Variants in FRMPD1 observed in about 807,000 individuals in gnomAD.
FRMPD1 encodes FERM and PDZ domain containing 1.
In FRMPD1, 76 loss-of-function variants were observed where a neutral mutation model predicts 117.8. The observed-to-expected ratio is 0.65, with a 90% confidence interval of 0.54 to 0.78. FRMPD1 has a LOEUF of 0.78. FRMPD1 is among the 30% of genes least tolerant of loss of function. The pLI is 0.00. For synonymous variants in FRMPD1, 783 were observed against 770.4 expected, an observed-to-expected ratio of 1.02 and a Z score of -0.27; for missense variants, 1,786 against 1,964.5, an observed-to-expected ratio of 0.91 and a Z score of 1.72.
chr9:37,713,080 T>C (rs1315517037), intron 5 of FRMPD1, among the ~76,000 whole-genome samples: 2 of 152,124 alleles, frequency 1.3e-5, no homozygotes, highest in East Asian at 3.9e-4. Flanking sequence ...TTAATATATA[T>C]ACTTAATACA....
In FRMPD1 at chr9:37,746,444, C is replaced by G. The variant is rs769384537; in HGVS notation, c.4412C>G (p.Ser1471Trp). 2 of 1,613,624 alleles carry G rather than the reference C, an allele frequency of 1.2e-6. No individual in the cohort carries two copies. The highest frequency in any genetic ancestry group is 1.7e-6 in the Non-Finnish European group (2 of 1,180,012). Residue 1471 changes from serine to tryptophan, a missense_variant, in exon 16 of 16, where the codon TCG (serine) becomes TGG (tryptophan). By Grantham distance (177) the Ser-to-Trp change is radical. Coordinates refer to ENST00000377765, the MANE Select transcript of FRMPD1 (RefSeq NM_014907.3). ...RLCMGSQKLL[S>W]SCRHVIRMDQ... ...TGCATGGGCTCCCAGAAGCTCCTGT[C>G]GAGCTGTCGGCATGTGATCAGAATG...
upstream of FRMPD1, among the ~76,000 whole-genome samples, chr9:37,648,241 C>G (rs937621341): frequency 2.0e-5 from 3 of 151,942 alleles, no homozygotes; most frequent in African/African-American, 7.3e-5. Flanking sequence ...GGGATTTGAA[C>G]CTAGGCAGTT....
chr9:37,678,251 CTTTTTTTTTTTTTTT>C (rs34040451), intron 1 of FRMPD1, among the ~76,000 whole-genome samples: 5 of 79,822 alleles, frequency 6.3e-5, no homozygotes, highest in Non-Finnish European at 6.9e-5. Flanking sequence ...GTACTTACCA[CTTTTTTTTTTTTTTT>C]TTTTTTTTTT....
At chr9:37,636,752 C>T in the FRMPD1 span, 5 of 1,599,896 alleles carry the variant, frequency 3.1e-6, no homozygotes, top group Non-Finnish European at 4.3e-6. Context: ...GGGCCGCTCG[C>T]CCCCGGAGGC....
chr9:37,698,958 C>T (rs1822432814), intron 2 of FRMPD1, among the ~76,000 whole-genome samples: 1 of 152,094 alleles, frequency 6.6e-6, no homozygotes, highest in East Asian at 1.9e-4. Flanking sequence ...AGGCTGGTCT[C>T]GAACTCCCGA....
At position 37,740,898 on chromosome 9, in the gene FRMPD1, T is replaced by C. The variant is rs1824378006; in HGVS notation, c.2356+14T>C. The stretch of plus-strand genomic sequence containing the variant: ...GCCCCCCGTCAGGTGAGCCGTCCCT[T>C]GCAGGTCTGCAGACACGGCAGGCAG... On this transcript the variant is annotated intron_variant, in intron 15 of 15. Transcript: ENST00000377765. This position sits in a 1 kb window ranked among gnomAD's most constrained non-coding sequence, Gnocchi z 4.2. 6.2e-7 allele frequency: 1 copy of C among 1,602,162 alleles called. No homozygotes were observed. Among genetic ancestry groups the C allele is most frequent in the African/African-American group, 1.3e-5 (1 of 74,834 alleles).
rs111411060 is a variant in FRMPD1 at position 37,735,739 on chromosome 9, C to G, written c.1401+5C>G. ...GTGTATCTTCAGGACGTCAAGGTAA[C>G]ACAATGGGGAGAGATTCTGAATTCA... is the stretch of plus-strand genomic sequence containing the variant. On this transcript the variant is annotated splice_donor_5th_base_variant and intron_variant, in intron 13 of 15. Coordinates refer to ENST00000377765, the MANE Select transcript of FRMPD1 (RefSeq NM_014907.3). The G allele has an allele frequency of 1.0e-3, 1,600 of 1,604,218 alleles. 16 individuals carry two copies. The African/African-American group carries it at 0.018, about 18-fold the overall frequency.
chr9:37,744,096 AG>A (rs1277342849), intron 15 of FRMPD1, among the ~76,000 whole-genome samples: 2 of 151,894 alleles, frequency 1.3e-5, no homozygotes, highest in African/African-American at 4.8e-5. Context: ...GGGATGAGGC[AG>A]GAGAATTGCT....
At chr9:37,604,112 T>G in the FRMPD1 span, among the ~76,000 whole-genome samples, 1 of 152,200 alleles carries the variant, frequency 6.6e-6, no homozygotes, top group African/African-American at 2.4e-5. Flanking sequence ...ATGCAACTGT[T>G]AAGTGTGCGA....
At chr9:37,610,223 A>G in the FRMPD1 span, among the ~76,000 whole-genome samples, 1 of 152,306 alleles carries the variant, frequency 6.6e-6, no homozygotes, top group East Asian at 1.9e-4. Context: ...TACATGTGAT[A>G]TTTTGATGCA....
At chr9:37,640,514 A>C in the FRMPD1 span, among the ~76,000 whole-genome samples, 2 of 152,176 alleles carry the variant, frequency 1.3e-5, no homozygotes, top group Non-Finnish European at 2.9e-5. Flanking sequence ...GCAGGAATTC[A>C]TGGTCCATTG....
intron 5 of FRMPD1, among the ~76,000 whole-genome samples, chr9:37,714,647 CT>C (rs1349934371): frequency 4.2e-5 from 6 of 142,686 alleles, no homozygotes; most frequent in African/African-American, 1.6e-4. Flanking sequence ...TTTATTTTAT[CT>C]TATTTTATTT....
At chr9:37,604,721 G>A in the FRMPD1 span, among the ~76,000 whole-genome samples, 1 of 152,316 alleles carries the variant, frequency 6.6e-6, no homozygotes, top group African/African-American at 2.4e-5. Context: ...GAAGATGTGT[G>A]TCCTTGGTCC....
chr9:37,684,917 C>A (rs1352433325), intron 1 of FRMPD1, among the ~76,000 whole-genome samples: 1 of 152,124 alleles, frequency 6.6e-6, no homozygotes, highest in Non-Finnish European at 1.5e-5. Context: ...CCACGTTCAG[C>A]TAACTTTTTT....
At chr9:37,638,596 T>C in the FRMPD1 span, among the ~76,000 whole-genome samples, 1 of 152,220 alleles carries the variant, frequency 6.6e-6, no homozygotes, top group African/African-American at 2.4e-5. Context: ...CTTGGGACCA[T>C]GGTGCAGAAA....
intron 2 of FRMPD1, among the ~76,000 whole-genome samples, chr9:37,701,878 G>A (rs1822546264): frequency 6.6e-6 from 1 of 152,174 alleles, no homozygotes; most frequent in Admixed American, 6.5e-5. Context: ...TGGTGATGGG[G>A]CCTGAAACAG....
intron 1 of FRMPD1, among the ~76,000 whole-genome samples, chr9:37,680,397 A>G (rs1446597542): frequency 6.6e-6 from 1 of 152,240 alleles, no homozygotes; most frequent in Non-Finnish European, 1.5e-5. Context: ...GCACCAAGAA[A>G]AAAACATATC....
chr9:37,640,442 G>A, the FRMPD1 span, among the ~76,000 whole-genome samples: 2 of 152,212 alleles, frequency 1.3e-5, no homozygotes, highest in African/African-American at 4.8e-5. Flanking sequence ...GGACACATTA[G>A]TATCAGTTGA....
At chr9:37,604,802 G>T in the FRMPD1 span, among the ~76,000 whole-genome samples, 1 of 152,204 alleles carries the variant, frequency 6.6e-6, no homozygotes, top group Non-Finnish European at 1.5e-5. Context: ...CAGAACCAGG[G>T]AGAATGAAGG....
Sources: allele counts gnomAD v4.1 joint callset (sites outside exome capture counted in the v4.1 genomes callset), GRCh38; gene constraint gnomAD v4.1.1; non-coding constraint Gnocchi (gnomAD v3.1); transcripts MANE v1.5; gene names NCBI Gene and HGNC (gene_info 2026-07-23, HGNC 2026-07-21).